Variants in GPR137B observed in about 807,000 individuals in gnomAD.
GPR137B encodes integral membrane protein GPR137B.
A neutral mutation model predicts 42.5 loss-of-function variants in GPR137B; 42 were observed. That is an observed-to-expected ratio of 0.99 (90% CI 0.77 to 1.28). The LOEUF is 1.28. Ranked by LOEUF, GPR137B falls within the 50% of genes most tolerant of loss-of-function variation. The probability of loss-of-function intolerance (pLI) is 0.00; values close to 1 mark genes in which losing one functional copy is unlikely to be tolerated. For missense variants in GPR137B, 487 were observed against 493.9 expected (o/e 0.99, Z 0.13); for synonymous variants, 218 against 209.7 (o/e 1.04, Z -0.34).
At position 236,150,751 on chromosome 1, in the gene GPR137B, C is replaced by T. The variant is rs2102890897; in HGVS notation, c.414+7715C>T. Among the ~76,000 whole-genome samples the T allele has an allele frequency of 6.6e-6, 1 of 152,312 alleles. No homozygotes were observed. The highest frequency in any genetic ancestry group is 2.4e-5 in the African/African-American group (1 of 41,568). On this transcript the variant is annotated intron_variant, in intron 1 of 6. Transcript: ENST00000366592. The surrounding 1 kb of genome is among the most constrained non-coding windows in gnomAD (Gnocchi z 6.2). ...TACGGCTTCTTGCTCACCTGCCTTT[C>T]CGTAGTCAGACAGGCAGAACTGGTA... is the stretch of plus-strand genomic sequence containing the variant.
intron 2 of GPR137B, among the ~76,000 whole-genome samples, chr1:236,169,995 G>A (rs977217766): frequency 7.0e-6 from 1 of 142,030 alleles, no homozygotes; most frequent in African/African-American, 2.7e-5. Flanking sequence ...AGCCAAGATT[G>A]CACCACTGTG....
chr1:236,189,088 T>A (rs1309462603), intron 5 of GPR137B, among the ~76,000 whole-genome samples: 1 of 152,228 alleles, frequency 6.6e-6, no homozygotes, highest in Non-Finnish European at 1.5e-5. Flanking sequence ...TTCCTCTAGA[T>A]CTTCTAGTTT....
intron 4 of GPR137B, among the ~76,000 whole-genome samples, chr1:236,182,984 C>T (rs1662927439): frequency 6.6e-6 from 1 of 152,164 alleles, no homozygotes; most frequent in South Asian, 2.1e-4. Flanking sequence ...CTGAAAGAAG[C>T]ATGCGTAGTT....
chr1:236,195,240 C>A (rs1223043319), intron 5 of GPR137B, among the ~76,000 whole-genome samples: 2 of 149,700 alleles, frequency 1.3e-5, no homozygotes, highest in Non-Finnish European at 3.0e-5. Flanking sequence ...TTTTTTTCCC[C>A]ATTAACCATA....
At chr1:236,151,258 T>G (rs901218649) in intron 1 of GPR137B, among the ~76,000 whole-genome samples, 1 of 152,002 alleles carries the variant, frequency 6.6e-6, no homozygotes. Context: ...CATAAATATT[T>G]CACTTTTTAT....
At chr1:236,197,771 A>G (rs1379460834) in intron 5 of GPR137B, among the ~76,000 whole-genome samples, 1 of 152,148 alleles carries the variant, frequency 6.6e-6, no homozygotes, top group African/African-American at 2.4e-5. Flanking sequence ...CCCAGGTTGG[A>G]GCACAGTGGC....
intron 5 of GPR137B, among the ~76,000 whole-genome samples, chr1:236,192,075 A>G (rs537976782): frequency 6.6e-6 from 1 of 152,302 alleles, no homozygotes; most frequent in South Asian, 2.1e-4. Context: ...CTGAGCTGCC[A>G]TGGGCTCTGC....
rs1353504478 is a variant in GPR137B at position 236,178,793 on chromosome 1, T to TTTTTTG, written c.687+162_687+163insGTTTTT. On this transcript the variant is annotated intron_variant, in intron 3 of 6. Transcript: ENST00000366592. Reference sequence around the variant, plus strand: ...CACAGGGGCTACTCGAGGTTTTTTTTTTTTTTTTTTTTTTTTTTTTTTGAG... The same window carrying TTTTTTG: ...CACAGGGGCTACTCGAGGTTTTTTTTTTTTTGTTTTTTTTTTTTTTTTTTTTTTGAG... Among the ~76,000 whole-genome samples, 13 of 77,408 alleles carry TTTTTTG rather than the reference T, an allele frequency of 1.7e-4. 1 individual carries two copies. Among genetic ancestry groups the TTTTTTG allele is most frequent in the Non-Finnish European group, 2.9e-4 (10 of 34,736 alleles). The allele number at this position is 77,408 out of a possible 152,430, so 50.8% of individuals were successfully genotyped here. A position where few individuals can be genotyped will look rare whatever the true frequency, so the allele number is the denominator to read the frequency against.
chr1:236,194,038 G>A (rs1360601345), intron 5 of GPR137B, among the ~76,000 whole-genome samples: 1 of 152,082 alleles, frequency 6.6e-6, no homozygotes, highest in Non-Finnish European at 1.5e-5. Flanking sequence ...AACTATAATT[G>A]AAATTTTGAA....
At position 236,168,694 on chromosome 1, in the gene GPR137B, CT is replaced by C. The variant is rs767328334; in HGVS notation, c.415-11del. 5.1e-5 allele frequency: 82 copies of C among 1,609,054 alleles called. No homozygotes were observed. The highest frequency in any genetic ancestry group is 6.9e-5 in the Non-Finnish European group (81 of 1,175,442). On this transcript the variant is annotated splice_polypyrimidine_tract_variant and intron_variant, in intron 1 of 6. Transcript: ENST00000366592. ...TTGGACCCCAACCTGCCATGCTTTTCTGTCGTTGCAGGTGATTTTCAAAGCC... is the reference window on the plus strand; with the variant it reads ...TTGGACCCCAACCTGCCATGCTTTTCGTCGTTGCAGGTGATTTTCAAAGCC...
chr1:236,170,340 G>A (rs1662496920), intron 2 of GPR137B, among the ~76,000 whole-genome samples: 1 of 152,080 alleles, frequency 6.6e-6, no homozygotes, highest in African/African-American at 2.4e-5. Flanking sequence ...AAATTCTGAA[G>A]GTGTAATAGT....
At chr1:236,178,662 C>A (rs773746440) in intron 3 of GPR137B, 26 bp downstream of exon 3, 2 of 1,380,284 alleles carry the variant, frequency 1.4e-6, no homozygotes, top group South Asian at 2.3e-5. Context: ...GTCAAGATCC[C>A]TCCCATGAAA....
intron 2 of GPR137B, among the ~76,000 whole-genome samples, chr1:236,172,022 A>G (rs1434488379): frequency 1.3e-5 from 2 of 151,794 alleles, no homozygotes; most frequent in Non-Finnish European, 2.9e-5. Context: ...CTGGGCAACA[A>G]GAACAAAAAC....
chr1:236,161,559 T>C (rs1662198370), intron 1 of GPR137B, among the ~76,000 whole-genome samples: 1 of 140,782 alleles, frequency 7.1e-6, no homozygotes, highest in African/African-American at 2.8e-5. Flanking sequence ...CACCTCCTGT[T>C]ATGGTTTGGC....
chr1:236,155,008 CAG>C lies in GPR137B; in HGVS notation c.414+11973_414+11974del. Among the ~76,000 whole-genome samples the C allele has an allele frequency of 6.6e-6, 1 of 152,338 alleles. No homozygotes were observed. The highest frequency in any genetic ancestry group is 1.9e-4 in the East Asian group (1 of 5,170). On this transcript the variant is annotated intron_variant, in intron 1 of 6. Coordinates refer to ENST00000366592, the MANE Select transcript of GPR137B (RefSeq NM_003272.4). This position sits in a 1 kb window ranked among gnomAD's most constrained non-coding sequence, Gnocchi z 4.6. ...GTGGTTAAGCAGTTAAGAAACATAA[CAG>C]TGATGGTAGGGCCTTGTGTGGCCAC... is the stretch of plus-strand genomic sequence containing the variant.
chr1:236,183,689 G>A, intron 4 of GPR137B, 89 bp from the exon 5 acceptor site: 3 of 895,278 alleles, frequency 3.4e-6, no homozygotes, highest in Non-Finnish European at 3.5e-6. Context: ...TAGAGTATTA[G>A]AATTATTCTC....
intron 1 of GPR137B, among the ~76,000 whole-genome samples, chr1:236,163,904 A>C (rs1662270254): frequency 6.8e-6 from 1 of 146,138 alleles, no homozygotes; most frequent in African/African-American, 2.6e-5. Context: ...CACTTCCCAC[A>C]CCTCCCATAC....
intron 1 of GPR137B, among the ~76,000 whole-genome samples, chr1:236,145,356 A>G (rs113358705): frequency 0.011 from 1,616 of 152,332 alleles, 33 homozygotes; most frequent in African/African-American, 0.036. Flanking sequence ...GACCAAGTAA[A>G]TGAGATTTTT....
At chr1:236,172,040 C>CAAAAA (rs554280420) in intron 2 of GPR137B, among the ~76,000 whole-genome samples, 2 of 72,498 alleles carry the variant, frequency 2.8e-5, no homozygotes, top group African/African-American at 4.6e-5. Flanking sequence ...AACTCCATCT[C>CAAAAA]AAAAAAAAAA....
Sources: gnomAD v4.1 joint callset for allele counts (sites outside exome capture counted in the v4.1 genomes callset) on GRCh38, gnomAD v4.1.1 for gene constraint, Gnocchi (gnomAD v3.1) non-coding constraint, MANE v1.5 for transcripts, NCBI Gene and HGNC (gene_info 2026-07-23, HGNC 2026-07-21) for gene names.